GSPT1: variants seen among roughly 807,000 people sequenced by gnomAD.
The protein encoded by GSPT1 is G1 to S phase transition 1, also known as eukaryotic peptide chain release factor GTP-binding subunit ERF3A.
GSPT1 carries 20 observed loss-of-function variants against 72.5 expected under a neutral mutation model. That is an observed-to-expected ratio of 0.28 (90% CI 0.19 to 0.40). The LOEUF (loss-of-function observed/expected upper bound fraction) is 0.40, where lower values mean the gene tolerates loss of function less well. Among genes scored for constraint, GSPT1 ranks in the 10% least tolerant of loss-of-function variants. GSPT1 has a pLI of 1.00. For synonymous variants in GSPT1, 334 were observed against 293.5 expected, an observed-to-expected ratio of 1.14 and a Z score of -1.41; for missense variants, 580 against 811.9, an observed-to-expected ratio of 0.71 and a Z score of 3.47.
Position 11,897,885 on chromosome 16 carries a change from G to T in GSPT1, c.395-4C>A. On this transcript the variant is annotated splice_polypyrimidine_tract_variant and splice_region_variant and intron_variant, in intron 2 of 14. Coordinates refer to ENST00000434724, the MANE Select transcript of GSPT1 (RefSeq NM_002094.4). Reference sequence around the variant, plus strand: ...ATGCTAACAGCTGAATTTGAACCTAGACAAGAGATTGAAATATAATATATA... The same window carrying T: ...ATGCTAACAGCTGAATTTGAACCTATACAAGAGATTGAAATATAATATATA... 5.2e-6 allele frequency: 8 copies of T among 1,535,684 alleles called. No homozygotes were observed. Among genetic ancestry groups the T allele is most frequent in the Non-Finnish European group, 7.1e-6 (8 of 1,127,204 alleles).
intron 1 of GSPT1, among the ~76,000 whole-genome samples, chr16:11,911,034 G>GGATACTGT (rs1162070287): frequency 6.6e-6 from 1 of 152,114 alleles, no homozygotes; most frequent in Non-Finnish European, 1.5e-5. Flanking sequence ...GATACTCCAG[G>GGATACTGT]GATACTGTGG....
chr16:11,907,158 T>A (rs2054500132), intron 1 of GSPT1, among the ~76,000 whole-genome samples: 1 of 152,226 alleles, frequency 6.6e-6, no homozygotes, highest in African/African-American at 2.4e-5. Flanking sequence ...TGCCTACTTA[T>A]GACAAATGTC....
rs1230429221 is a variant in GSPT1 at position 11,871,200 on chromosome 16, T to C, written c.*1919A>G. On this transcript the variant is annotated 3_prime_UTR_variant, in exon 15 of 15. Coordinates refer to ENST00000434724, the MANE Select transcript of GSPT1 (RefSeq NM_002094.4). Reference sequence around the variant, plus strand: ...ATAGCCATAATTATAGTTTTAAGAATCTGTAGGACAATAACTTTGCTCTGT... The same window carrying C: ...ATAGCCATAATTATAGTTTTAAGAACCTGTAGGACAATAACTTTGCTCTGT... 3 of 152,200 alleles carry C rather than the reference T, an allele frequency of 2.0e-5. No individual in the cohort carries two copies. The highest frequency in any genetic ancestry group is 3.8e-4 in the East Asian group (2 of 5,204). The allele number at this position is 152,200 out of a possible 1,614,324, so 9.4% of individuals were successfully genotyped here.
chr16:11,913,142 C>A (rs1300261307), intron 1 of GSPT1, among the ~76,000 whole-genome samples: 2 of 152,138 alleles, frequency 1.3e-5, no homozygotes, highest in Non-Finnish European at 2.9e-5. Context: ...CCTATTTATC[C>A]CCCTGCTTTT....
At chr16:11,912,302 C>G (rs1034580324) in intron 1 of GSPT1, among the ~76,000 whole-genome samples, 8 of 145,570 alleles carry the variant, frequency 5.5e-5, no homozygotes, top group Non-Finnish European at 8.9e-5. Context: ...CAGCCGAGAT[C>G]GTGCCATTGC....
At chr16:11,908,551 G>A (rs1295921779) in intron 1 of GSPT1, 8 of 107,634 alleles carry the variant, frequency 7.4e-5, no homozygotes, top group African/African-American at 2.9e-4. Context: ...ACGAGGTCAG[G>A]AGATCGAGAC....
chr16:11,903,275 C>G (rs1296587752), intron 1 of GSPT1, among the ~76,000 whole-genome samples: 3 of 152,064 alleles, frequency 2.0e-5, no homozygotes, highest in Non-Finnish European at 4.4e-5. Flanking sequence ...CTTTGGGAGG[C>G]TGAGGCAGAC....
At chr16:11,879,106 T>A (rs1408631003) in intron 11 of GSPT1, among the ~76,000 whole-genome samples, 8 of 149,050 alleles carry the variant, frequency 5.4e-5, no homozygotes, top group African/African-American at 1.7e-4. Context: ...ATAATAATAA[T>A]AAAAAAAAGG....
intron 1 of GSPT1, among the ~76,000 whole-genome samples, chr16:11,901,566 C>A (rs2054405938): frequency 6.6e-6 from 1 of 151,440 alleles, no homozygotes; most frequent in Admixed American, 6.6e-5. Context: ...CAAGGAAAAA[C>A]TAAGTTTGAG....
chr16:11,886,717 G>C, intron 8 of GSPT1, 60 bp downstream of exon 8: 1 of 1,561,926 alleles, frequency 6.4e-7, no homozygotes, highest in Non-Finnish European at 8.8e-7. Flanking sequence ...AGAAAAAGTC[G>C]TACAATAACA....
intron 1 of GSPT1, among the ~76,000 whole-genome samples, chr16:11,907,610 G>A (rs916061618): frequency 1.5e-5 from 2 of 136,246 alleles, no homozygotes; most frequent in Non-Finnish European, 2.9e-5. Flanking sequence ...TGCCCTTCCC[G>A]CCCCCTGTTA....
chr16:11,874,946 C>T (rs1204070341), intron 14 of GSPT1, among the ~76,000 whole-genome samples: 1 of 152,226 alleles, frequency 6.6e-6, no homozygotes, highest in Non-Finnish European at 1.5e-5. Flanking sequence ...AATCCCAGCA[C>T]TTTGGGAGGC....
intron 1 of GSPT1, among the ~76,000 whole-genome samples, chr16:11,905,535 G>T (rs2054478068): frequency 6.6e-6 from 1 of 152,042 alleles, no homozygotes; most frequent in Admixed American, 6.6e-5. Flanking sequence ...TTAAATTAGA[G>T]GCACACATGG....
At chr16:11,890,996 C>G (rs2054251432) in intron 6 of GSPT1, 66 bp downstream of exon 6, 4 of 727,534 alleles carry the variant, frequency 5.5e-6, no homozygotes, top group South Asian at 5.1e-5. Context: ...TAACAGGCTC[C>G]AAAAGCACTA....
intron 1 of GSPT1, among the ~76,000 whole-genome samples, chr16:11,900,030 C>T (rs1365403878): frequency 6.6e-6 from 1 of 152,098 alleles, no homozygotes; most frequent in Non-Finnish European, 1.5e-5. Context: ...CAACTCAATC[C>T]TATCAATATG....
chr16:11,876,441 G>A (rs1257384502), intron 12 of GSPT1, among the ~76,000 whole-genome samples: 3 of 152,074 alleles, frequency 2.0e-5, no homozygotes, highest in African/African-American at 7.2e-5. Flanking sequence ...TCAAAATACG[G>A]CAGGCTGGCT....
chr16:11,905,441 C>T (rs1056189791), intron 1 of GSPT1, among the ~76,000 whole-genome samples: 1 of 152,168 alleles, frequency 6.6e-6, no homozygotes, highest in Non-Finnish European at 1.5e-5. Context: ...CACTTGCCTA[C>T]CTAATCCCCC....
At chr16:11,907,008 G>A (rs1452675615) in intron 1 of GSPT1, among the ~76,000 whole-genome samples, 4 of 152,150 alleles carry the variant, frequency 2.6e-5, no homozygotes, top group Admixed American at 1.3e-4. Context: ...GGATGGTTTT[G>A]CCTTAATTAC....
At chr16:11,886,642 A>G in intron 8 of GSPT1, 31 bp from the exon 9 acceptor site, 2 of 1,583,302 alleles carry the variant, frequency 1.3e-6, no homozygotes, top group South Asian at 1.1e-5. Flanking sequence ...AAATAACTCA[A>G]TTATAATGTA....
Sources: allele counts gnomAD v4.1 joint callset (sites outside exome capture counted in the v4.1 genomes callset), GRCh38; gene constraint gnomAD v4.1.1; transcripts MANE v1.5; gene names NCBI Gene and HGNC (gene_info 2026-07-23, HGNC 2026-07-21).